HTR2C: variants seen among roughly 807,000 people sequenced by gnomAD.
The protein encoded by HTR2C is 5-hydroxytryptamine (serotonin) receptor 2C, G protein-coupled.
HTR2C carries 5 observed loss-of-function variants against 21.0 expected under a neutral mutation model. That is an observed-to-expected ratio of 0.24 (90% CI 0.12 to 0.50). HTR2C has a LOEUF of 0.50. Ranked by LOEUF, HTR2C falls within the 20% of genes least tolerant of loss-of-function variation. HTR2C has a pLI of 0.98. For missense variants in HTR2C, 271 were observed against 371.2 expected, an observed-to-expected ratio of 0.73 and a Z score of 2.22; for synonymous variants, 150 against 145.3, an observed-to-expected ratio of 1.03 and a Z score of -0.23.
chrX:114,659,239 A>AT (rs1556409769), intron 2 of HTR2C, among the ~76,000 whole-genome samples: 1 of 111,738 alleles, frequency 8.9e-6, no homozygotes, highest in Non-Finnish European at 1.9e-5. Context: ...CAACACAGGG[A>AT]TTATGGGAAC....
intron 5 of HTR2C, among the ~76,000 whole-genome samples, chrX:114,849,299 G>A (rs2070897447): frequency 8.9e-6 from 1 of 112,202 alleles, no homozygotes; most frequent in Non-Finnish European, 1.9e-5. Flanking sequence ...TACACAGACA[G>A]AATATTGTTG....
chrX:114,637,436 T>C (rs1236802346), intron 2 of HTR2C, among the ~76,000 whole-genome samples: 1 of 112,099 alleles, frequency 8.9e-6, no homozygotes, highest in Non-Finnish European at 1.9e-5. Flanking sequence ...GCATATGGAA[T>C]TGCTTGACAA....
chrX:114,616,610 A>C (rs1218066656), intron 2 of HTR2C, among the ~76,000 whole-genome samples: 1 of 111,885 alleles, frequency 8.9e-6, no homozygotes, highest in Non-Finnish European at 1.9e-5. Context: ...AATTCAATAA[A>C]TCTTAAAAAG....
chrX:114,836,705 C>A (rs1259841733), intron 4 of HTR2C, among the ~76,000 whole-genome samples: 4 of 112,238 alleles, frequency 3.6e-5, no homozygotes, highest in Non-Finnish European at 5.6e-5. Flanking sequence ...CAGAGCTGTT[C>A]CTATTCGGCC....
intron 4 of HTR2C, among the ~76,000 whole-genome samples, chrX:114,807,507 CACCATATATATATAT>C (rs1422422241): frequency 1.5e-4 from 8 of 52,517 alleles, no homozygotes; most frequent in African/African-American, 4.7e-4. Flanking sequence ...CATATATATA[CACCATATATATATAT>C]ACCATATATA....
intron 4 of HTR2C, among the ~76,000 whole-genome samples, chrX:114,819,872 T>C (rs868958562): frequency 8.9e-6 from 1 of 112,559 alleles, no homozygotes; most frequent in South Asian, 3.6e-4. Flanking sequence ...AGTTAGAACA[T>C]AGTTTATTCT....
At chrX:114,888,387 A>G (rs1556482121) in intron 5 of HTR2C, among the ~76,000 whole-genome samples, 1 of 111,774 alleles carries the variant, frequency 8.9e-6, no homozygotes, top group Admixed American at 9.5e-5. Flanking sequence ...CCCAAGCTGG[A>G]GCTTCTACTG....
chrX:114,836,463 G>A (rs2070785209), intron 4 of HTR2C, among the ~76,000 whole-genome samples: 2 of 112,296 alleles, frequency 1.8e-5, no homozygotes, highest in South Asian at 3.7e-4. Flanking sequence ...AGAGTGACCC[G>A]ATTTTCCAGG....
rs1482819742 is a variant in HTR2C at position 114,873,367 on chromosome X, ATCT to A, written c.550+25168_550+25170del. ...CTGGGCCTCCTTTATTGAGTTTTTCATCTTCTGATCAGCAGTTGTTGCTTTAGG... is the reference window on the plus strand; with the variant it reads ...CTGGGCCTCCTTTATTGAGTTTTTCATCTGATCAGCAGTTGTTGCTTTAGG... On this transcript the variant is annotated intron_variant, in intron 5 of 5. Coordinates refer to ENST00000276198, the MANE Select transcript of HTR2C (RefSeq NM_000868.4). 2.7e-5 allele frequency among the ~76,000 whole-genome samples: 3 copies of A among 110,806 alleles called. No homozygotes were observed. In the East Asian group the frequency reaches 8.6e-4, roughly 32 times the overall value.
chrX:114,746,680 C>A (rs781879751), intron 4 of HTR2C, among the ~76,000 whole-genome samples: 2 of 109,883 alleles, frequency 1.8e-5, no homozygotes, highest in African/African-American at 6.6e-5. Context: ...CAGGGGAAAC[C>A]TCAACTCTAA....
chrX:114,725,163 T>C (rs1222817391), intron 2 of HTR2C, among the ~76,000 whole-genome samples: 1 of 111,406 alleles, frequency 9.0e-6, no homozygotes, highest in Non-Finnish European at 1.9e-5. Flanking sequence ...CAATCAGAGG[T>C]AGATTTGGTC....
At chrX:114,737,233 T>TTC (rs2069600325) in intron 4 of HTR2C, among the ~76,000 whole-genome samples, 1 of 87,297 alleles carries the variant, frequency 1.1e-5, no homozygotes, top group African/African-American at 4.1e-5. Context: ...TCTTTTCTTT[T>TTC]TTTTTTTTTT....
At chrX:114,779,791 G>A (rs1033535020) in intron 4 of HTR2C, among the ~76,000 whole-genome samples, 2 of 111,801 alleles carry the variant, frequency 1.8e-5, no homozygotes, top group Non-Finnish European at 1.9e-5. Flanking sequence ...GAGACATTGG[G>A]TACAAGAAGA....
chrX:114,724,302 G>T, intron 2 of HTR2C, among the ~76,000 whole-genome samples: 1 of 99,170 alleles, frequency 1.0e-5, no homozygotes, highest in Admixed American at 1.2e-4. Flanking sequence ...ATCTTTGTTG[G>T]TTTAAAGTCT....
At chrX:114,894,943 T>C (rs1347497848) in intron 5 of HTR2C, among the ~76,000 whole-genome samples, 1 of 111,265 alleles carries the variant, frequency 9.0e-6, no homozygotes, top group African/African-American at 3.3e-5. Context: ...GGACTCGAAC[T>C]CCTGACCTCA....
chrX:114,885,215 AAAAT>A (rs1344892696), intron 5 of HTR2C, among the ~76,000 whole-genome samples: 2 of 111,935 alleles, frequency 1.8e-5, no homozygotes, highest in Non-Finnish European at 3.8e-5. Context: ...AAAATTATGT[AAAAT>A]AAATAGTCAT....
chrX:114,848,312 C>A, intron 5 of HTR2C, 109 bp downstream of exon 5: 1 of 467,153 alleles, frequency 2.1e-6, no homozygotes, highest in Non-Finnish European at 3.5e-6. Flanking sequence ...TGCGTTTGAT[C>A]GGGTTCTTTT....
intron 2 of HTR2C, among the ~76,000 whole-genome samples, chrX:114,659,805 T>G (rs1569482089): frequency 2.7e-5 from 3 of 111,387 alleles, no homozygotes; most frequent in Non-Finnish European, 1.9e-5. Context: ...TAGTTGATAG[T>G]TATCTTCCAA....
intron 2 of HTR2C, among the ~76,000 whole-genome samples, chrX:114,625,205 A>C (rs1418986401): frequency 9.0e-6 from 1 of 111,656 alleles, no homozygotes; most frequent in Non-Finnish European, 1.9e-5. Context: ...TGAGGCCCTC[A>C]CCAGAAGCAG....
Sources: gnomAD v4.1 joint callset for allele counts (sites outside exome capture counted in the v4.1 genomes callset) on GRCh38, gnomAD v4.1.1 for gene constraint, MANE v1.5 for transcripts, NCBI Gene and HGNC (gene_info 2026-07-23, HGNC 2026-07-21) for gene names.